KAZN: variants seen among roughly 807,000 people sequenced by gnomAD.
KAZN encodes the protein kazrin, periplakin interacting protein, also known as kazrin.
Under a neutral mutation model 87.4 loss-of-function variants are expected in KAZN, and 40 were observed. The observed-to-expected ratio is 0.46, with a 90% CI of 0.36 to 0.60. The LOEUF (loss-of-function observed/expected upper bound fraction) is 0.60. Among genes scored for constraint, KAZN ranks in the 20% least tolerant of loss-of-function variants. KAZN has a pLI of 0.00. For missense variants in KAZN, 898 were observed against 1,073.9 expected, an observed-to-expected ratio of 0.84 and a Z score of 2.29; for synonymous variants, 466 against 458.3, an observed-to-expected ratio of 1.02 and a Z score of -0.22.
chr1:15,049,016 G>A (rs550402133), intron 4 of KAZN, among the ~76,000 whole-genome samples: 3 of 152,298 alleles, frequency 2.0e-5, no homozygotes, highest in East Asian at 3.9e-4. Context: ...GTCTTCATGC[G>A]CAGTCACTCC....
At chr1:14,922,213 C>T (rs1186492282) in intron 1 of KAZN, among the ~76,000 whole-genome samples, 2 of 152,110 alleles carry the variant, frequency 1.3e-5, no homozygotes, top group African/African-American at 4.8e-5. Flanking sequence ...CCACAGTAGC[C>T]CCTGCTCAAC....
chr1:14,576,805 A>G (rs1167405174), intron 2 of KAZN, among the ~76,000 whole-genome samples: 1 of 123,130 alleles, frequency 8.1e-6, no homozygotes, highest in Non-Finnish European at 1.9e-5. Flanking sequence ...AAAAAAAAGG[A>G]AAAAAATCCA....
chr1:14,327,106 G>A (rs1036963886), intron 2 of KAZN, among the ~76,000 whole-genome samples: 1 of 152,204 alleles, frequency 6.6e-6, no homozygotes, highest in Non-Finnish European at 1.5e-5. Flanking sequence ...GGAGGAATGT[G>A]TCGGCTCAAG....
intron 2 of KAZN, among the ~76,000 whole-genome samples, chr1:14,353,920 A>G (rs975393681): frequency 1.3e-5 from 2 of 152,184 alleles, no homozygotes; most frequent in African/African-American, 4.8e-5. Flanking sequence ...GGAAATAAAT[A>G]AGCTGATTCT....
chr1:15,065,806 C>G (rs754627148), intron 8 of KAZN, 53 bp downstream of exon 8: 2 of 1,596,466 alleles, frequency 1.3e-6, no homozygotes, highest in Non-Finnish European at 8.6e-7. Flanking sequence ...GATACGCGCT[C>G]CCCTGCGCCT....
rs1465570877 is a variant in KAZN at position 14,957,323 on chromosome 1, C to T, written c.227-3361C>T. 4.6e-5 allele frequency among the ~76,000 whole-genome samples: 7 copies of T among 152,214 alleles called. No homozygotes were observed. The East Asian group carries it at 1.2e-3, about 25-fold the overall frequency. ...TGGGGCCTGTCTGGGGCATTCACCC[C>T]AGTGCCCCCGTGCCTAGAGCCGTGC... On this transcript the variant is annotated intron_variant, in intron 1 of 14. Coordinates refer to ENST00000376030, the MANE Select transcript of KAZN (RefSeq NM_201628.3).
intron 2 of KAZN, among the ~76,000 whole-genome samples, chr1:14,549,989 GT>G (rs1446764960): frequency 6.6e-6 from 1 of 152,196 alleles, no homozygotes; most frequent in African/African-American, 2.4e-5. Context: ...TAGATGTTTT[GT>G]AGTGGAAAGA....
chr1:14,752,728 C>T (rs112499639), intron 1 of KAZN, among the ~76,000 whole-genome samples: 3,987 of 152,198 alleles, frequency 0.026, 197 homozygotes, highest in African/African-American at 0.091. Context: ...TAAGTTTCAA[C>T]ATAGGAATTT....
intron 2 of KAZN, among the ~76,000 whole-genome samples, chr1:14,305,688 A>G (rs1049064870): frequency 4.0e-5 from 6 of 148,234 alleles, no homozygotes; most frequent in Non-Finnish European, 8.9e-5. Context: ...TTTTTAATTC[A>G]TGACACTTTC....
chr1:14,180,940 C>T (rs1646184157), intron 2 of KAZN, among the ~76,000 whole-genome samples: 1 of 152,080 alleles, frequency 6.6e-6, no homozygotes, highest in Non-Finnish European at 1.5e-5. Context: ...AATACTTGTC[C>T]CAAACAGCAT....
chr1:15,035,788 G>A lies in KAZN; in HGVS notation c.555+903G>A, dbSNP rs150074273. On this transcript the variant is annotated intron_variant, in intron 3 of 14. Coordinates refer to ENST00000376030, the MANE Select transcript of KAZN (RefSeq NM_201628.3). Reference sequence around the variant, plus strand: ...CAGGAGGTGGAGGTTGCAGTGAGCCGAGATCACCCCACTGCACTCCAGCCT... The same window carrying A: ...CAGGAGGTGGAGGTTGCAGTGAGCCAAGATCACCCCACTGCACTCCAGCCT... Among the ~76,000 whole-genome samples the A allele has an allele frequency of 2.8e-4, 43 of 152,284 alleles. 1 individual carries two copies. The highest frequency in any genetic ancestry group is 9.9e-4 in the African/African-American group (41 of 41,554).
intron 1 of KAZN, among the ~76,000 whole-genome samples, chr1:14,920,276 GTTTTTT>G (rs55641056): frequency 1.1e-5 from 1 of 94,158 alleles, no homozygotes; most frequent in Non-Finnish European, 2.0e-5. Flanking sequence ...CCTCTTTTCT[GTTTTTT>G]TTTTTTTTTT....
chr1:14,672,149 G>A (rs756558776), intron 1 of KAZN, among the ~76,000 whole-genome samples: 15 of 152,086 alleles, frequency 9.9e-5, no homozygotes, highest in South Asian at 8.3e-4. Flanking sequence ...TCTAATGTGC[G>A]TAATGTAGAA....
intron 2 of KAZN, among the ~76,000 whole-genome samples, chr1:14,365,679 G>T (rs374402062): frequency 6.6e-6 from 1 of 152,134 alleles, no homozygotes; most frequent in Non-Finnish European, 1.5e-5. Context: ...GATGCCAGGA[G>T]CACCTTTCCC....
At chr1:14,096,604 C>T (rs1355037817) in intron 1 of KAZN, among the ~76,000 whole-genome samples, 3 of 152,220 alleles carry the variant, frequency 2.0e-5, no homozygotes, top group Admixed American at 6.5e-5. Context: ...TGAGCACTTA[C>T]TACGTGCCAG....
At chr1:14,452,573 T>C (rs1453639189) in intron 2 of KAZN, among the ~76,000 whole-genome samples, 1 of 152,164 alleles carries the variant, frequency 6.6e-6, no homozygotes, top group Non-Finnish European at 1.5e-5. Context: ...ATATAGCAAG[T>C]GGCCATTTGG....
chr1:15,058,895 G>T (rs1285662713), intron 5 of KAZN, among the ~76,000 whole-genome samples: 4 of 151,978 alleles, frequency 2.6e-5, no homozygotes, highest in Non-Finnish European at 2.9e-5. Flanking sequence ...GGTGGCAGAT[G>T]CCTGTAATCC....
At chr1:14,831,757 G>A (rs1336295380) in intron 1 of KAZN, among the ~76,000 whole-genome samples, 2 of 152,170 alleles carry the variant, frequency 1.3e-5, no homozygotes, top group Non-Finnish European at 2.9e-5. Flanking sequence ...AAGCGACTGT[G>A]CTGAGGCTCG....
At chr1:13,940,960 G>C (rs6687514) in intron 1 of KAZN, among the ~76,000 whole-genome samples, 146,888 of 152,304 alleles carry the variant, frequency 0.96, 70,880 homozygotes, top group East Asian at 1. Context: ...TTTGGGAGGC[G>C]GAAGTGGGTG....
Sources: gnomAD v4.1 joint callset for allele counts (sites outside exome capture counted in the v4.1 genomes callset) on GRCh38, gnomAD v4.1.1 for gene constraint, MANE v1.5 for transcripts, NCBI Gene and HGNC (gene_info 2026-07-23, HGNC 2026-07-21) for gene names.